Variants in CSMD1 observed in about 807,000 individuals in gnomAD.
CSMD1 encodes CUB and sushi domain-containing protein 1.
Under a neutral mutation model 417.5 loss-of-function variants are expected in CSMD1, and 213 were observed. The observed-to-expected ratio is 0.51, with a 90% CI of 0.46 to 0.57. The LOEUF is 0.57. Among genes scored for constraint, CSMD1 ranks in the 20% least tolerant of loss-of-function variants. CSMD1 has a pLI of 0.00. For missense variants in CSMD1, 6,923 were observed against 4,529.7 expected, an observed-to-expected ratio of 1.53 and a Z score of -15.17; for synonymous variants, 2,862 against 1,736.8, an observed-to-expected ratio of 1.65 and a Z score of -16.11.
chr8:3,826,352 A>C (rs999212752), intron 5 of CSMD1, among the ~76,000 whole-genome samples: 2 of 152,144 alleles, frequency 1.3e-5, no homozygotes, highest in African/African-American at 4.8e-5. Context: ...TTTGGGTTTG[A>C]AAATTGCCTC....
chr8:4,603,391 A>C (rs1207201480), intron 2 of CSMD1, among the ~76,000 whole-genome samples: 3 of 152,082 alleles, frequency 2.0e-5, no homozygotes, highest in Non-Finnish European at 2.9e-5. Context: ...CCCACTTAAA[A>C]ATGTGGTGAA....
chr8:3,029,542 A>G, intron 50 of CSMD1, 29 bp from the exon 51 acceptor site: 1 of 1,550,432 alleles, frequency 6.4e-7, no homozygotes, highest in South Asian at 1.2e-5. Context: ...TCACATCATC[A>G]TTTTTCTTTT....
intron 3 of CSMD1, among the ~76,000 whole-genome samples, chr8:4,232,839 A>T (rs1398345034): frequency 6.6e-6 from 1 of 152,128 alleles, no homozygotes; most frequent in Non-Finnish European, 1.5e-5. Flanking sequence ...TACTTTATTT[A>T]TTTATTTATA....
intron 1 of CSMD1, among the ~76,000 whole-genome samples, chr8:4,900,007 T>C (rs1804762853): frequency 6.6e-6 from 1 of 152,170 alleles, no homozygotes; most frequent in South Asian, 2.1e-4. Flanking sequence ...TCTGTTGCTT[T>C]AATCTATTCT....
At chr8:3,205,471 G>T in intron 31 of CSMD1, 33 bp downstream of exon 31, 2 of 1,051,206 alleles carry the variant, frequency 1.9e-6, no homozygotes, top group South Asian at 1.4e-5. Context: ...AAGGAAATAT[G>T]ACAATGAATT....
intron 5 of CSMD1, among the ~76,000 whole-genome samples, chr8:3,759,465 G>A (rs766820974): frequency 6.6e-6 from 1 of 152,132 alleles, no homozygotes; most frequent in African/African-American, 2.4e-5. Flanking sequence ...TTCTACAGCT[G>A]TTAGCCACAC....
chr8:4,125,204 G>A (rs1585368648), intron 3 of CSMD1, among the ~76,000 whole-genome samples: 1 of 152,058 alleles, frequency 6.6e-6, no homozygotes, highest in Non-Finnish European at 1.5e-5. Flanking sequence ...TAAACTAAAG[G>A]GAAAGGTCGA....
intron 1 of CSMD1, among the ~76,000 whole-genome samples, chr8:4,829,956 A>G (rs149382361): frequency 3.3e-5 from 5 of 152,034 alleles, no homozygotes; most frequent in African/African-American, 9.7e-5. Flanking sequence ...AACACACACA[A>G]AAATTTTGCT....
At chr8:2,992,170 CACACACATGA>C (rs1806443940) in intron 54 of CSMD1, among the ~76,000 whole-genome samples, 1 of 152,024 alleles carries the variant, frequency 6.6e-6, no homozygotes, top group Non-Finnish European at 1.5e-5. Context: ...AACAGACATG[CACACACATGA>C]ACACACACAT....
chr8:4,070,973 T>C (rs528190653), intron 3 of CSMD1, among the ~76,000 whole-genome samples: 2 of 152,360 alleles, frequency 1.3e-5, no homozygotes, highest in East Asian at 1.9e-4. Context: ...ATAATTTAAA[T>C]TGTTGTTTCC....
At chr8:4,581,211 C>T (rs984625649) in intron 2 of CSMD1, among the ~76,000 whole-genome samples, 9 of 151,966 alleles carry the variant, frequency 5.9e-5, no homozygotes, top group African/African-American at 2.2e-4. Flanking sequence ...ACTAATTTGG[C>T]AATGAAAAGA....
At chr8:4,659,774 T>C (rs961385612) in intron 1 of CSMD1, among the ~76,000 whole-genome samples, 2 of 152,172 alleles carry the variant, frequency 1.3e-5, no homozygotes, top group African/African-American at 2.4e-5. Context: ...TTCCTGAGAA[T>C]GCTTAATTTA....
At chr8:4,349,916 T>C (rs1184185566) in intron 3 of CSMD1, among the ~76,000 whole-genome samples, 2 of 152,014 alleles carry the variant, frequency 1.3e-5, no homozygotes, top group Non-Finnish European at 2.9e-5. Flanking sequence ...AAAAAGGTTG[T>C]GCTATGACCT....
chr8:4,854,929 G>A (rs988697137), intron 1 of CSMD1, among the ~76,000 whole-genome samples: 2 of 152,212 alleles, frequency 1.3e-5, no homozygotes, highest in Non-Finnish European at 2.9e-5. Context: ...AAGGAGGTCT[G>A]CCTGCCTCTG....
chr8:4,607,841 A>G (rs541220266), intron 2 of CSMD1, among the ~76,000 whole-genome samples: 4 of 151,944 alleles, frequency 2.6e-5, no homozygotes, highest in Non-Finnish European at 5.9e-5. Flanking sequence ...TACTTTCACT[A>G]TTTTCTGAAT....
intron 55 of CSMD1, among the ~76,000 whole-genome samples, chr8:2,977,453 T>C (rs1805023330): frequency 6.6e-6 from 1 of 152,246 alleles, no homozygotes; most frequent in Admixed American, 6.5e-5. Context: ...TATGGCTGCA[T>C]CACGTTCCAC....
intron 15 of CSMD1, among the ~76,000 whole-genome samples, chr8:3,404,650 G>A (rs1407334547): frequency 6.6e-6 from 1 of 152,032 alleles, no homozygotes; most frequent in Non-Finnish European, 1.5e-5. Flanking sequence ...AGACAACTGA[G>A]AAAATAAAAA....
intron 46 of CSMD1, among the ~76,000 whole-genome samples, chr8:3,101,055 GTT>G (rs3053035): frequency 0.7 from 97,831 of 140,188 alleles, 34,486 homozygotes; most frequent in East Asian, 0.94. Flanking sequence ...TACGTATGGT[GTT>G]TTTTTTTTTT....
In CSMD1 at chr8:3,087,413, G is replaced by T; in HGVS notation, c.7286-128C>A. ...AAAGGTAGGAAATGAGCACCAGTATGTAAGTTTGTTCTAAAGAGCATTCCA... is the reference window on the plus strand; with the variant it reads ...AAAGGTAGGAAATGAGCACCAGTATTTAAGTTTGTTCTAAAGAGCATTCCA... On this transcript the variant is annotated intron_variant, in intron 48 of 69. Transcript: ENST00000635120. The T allele has an allele frequency of 9.4e-6, 9 of 955,958 alleles. No homozygotes were observed. The South Asian group carries it at 1.3e-4, about 13-fold the overall frequency. The allele number at this position is 955,958 out of a possible 1,614,324, so 59.2% of individuals were successfully genotyped here. A position where few individuals can be genotyped will look rare whatever the true frequency, so the allele number is the denominator to read the frequency against.
Sources: gnomAD v4.1 joint callset for allele counts (sites outside exome capture counted in the v4.1 genomes callset) on GRCh38, gnomAD v4.1.1 for gene constraint, MANE v1.5 for transcripts, NCBI Gene and HGNC (gene_info 2026-07-23, HGNC 2026-07-21) for gene names.